Variants in RNF169 observed in about 807,000 individuals in gnomAD.
The protein encoded by RNF169 is ring finger protein 169.
In RNF169, 24 loss-of-function variants were observed where a neutral mutation model predicts 53.9. The observed-to-expected ratio is 0.45, with a 90% CI of 0.32 to 0.63. The LOEUF (loss-of-function observed/expected upper bound fraction) is 0.63, where lower values mean the gene tolerates loss of function less well. RNF169 is among the 20% of genes least tolerant of loss of function. RNF169 has a pLI of 0.04. For missense variants in RNF169, 883 were observed against 906.2 expected, an observed-to-expected ratio of 0.97 and a Z score of 0.33; for synonymous variants, 396 against 363.5, an observed-to-expected ratio of 1.09 and a Z score of -1.02.
intron 1 of RNF169, among the ~76,000 whole-genome samples, chr11:74,771,059 C>T (rs894857157): frequency 6.6e-6 from 1 of 152,112 alleles, no homozygotes; most frequent in African/African-American, 2.4e-5. Flanking sequence ...CCCCCCGCCT[C>T]GACCTCTCAA....
At chr11:74,755,447 AATTTC>A (rs2034966874) in intron 1 of RNF169, among the ~76,000 whole-genome samples, 1 of 152,226 alleles carries the variant, frequency 6.6e-6, no homozygotes, top group African/African-American at 2.4e-5. Context: ...ATGTTTGTTA[AATTTC>A]ATTCCACTAA....
intron 1 of RNF169, among the ~76,000 whole-genome samples, chr11:74,763,454 T>G (rs1195147875): frequency 6.6e-6 from 1 of 152,180 alleles, no homozygotes; most frequent in Non-Finnish European, 1.5e-5. Context: ...TTTAAGTGGC[T>G]AAAGACTTTA....
At chr11:74,757,266 C>T (rs896463438) in intron 1 of RNF169, among the ~76,000 whole-genome samples, 118 of 122,034 alleles carry the variant, frequency 9.7e-4, no homozygotes, top group African/African-American at 2.2e-3. Flanking sequence ...TTTGTTCTTG[C>T]GATAGTTTAC....
chr11:74,768,210 A>G (rs1353560607), intron 1 of RNF169, among the ~76,000 whole-genome samples: 1 of 152,230 alleles, frequency 6.6e-6, no homozygotes, highest in Non-Finnish European at 1.5e-5. Context: ...GTGGATAATG[A>G]GTGGCCATTA....
rs570997359 is a variant in RNF169 at position 74,752,326 on chromosome 11, G to A, written c.502+2944G>A. Among the ~76,000 whole-genome samples, 28 of 151,832 alleles carry A rather than the reference G, an allele frequency of 1.8e-4. No homozygotes were observed. The South Asian group carries it at 4.6e-3, about 25-fold the overall frequency. On this transcript the variant is annotated intron_variant, in intron 1 of 5. Transcript: ENST00000299563. The stretch of plus-strand genomic sequence containing the variant: ...GTCAAAGATTCTTGGGCTGGGCATG[G>A]TGGCTCATGCCTGTAAATCTGGCAC...
At chr11:74,762,799 C>CT (rs1436446922) in intron 1 of RNF169, among the ~76,000 whole-genome samples, 17 of 152,192 alleles carry the variant, frequency 1.1e-4, no homozygotes, top group Non-Finnish European at 1.5e-4. Flanking sequence ...ATAGGAAAAT[C>CT]TCGTTTCCAA....
rs2034929212 is a variant in RNF169, at chr11:74,753,199, C to T, written c.502+3817C>T. 5.3e-5 allele frequency among the ~76,000 whole-genome samples: 8 copies of T among 152,300 alleles called. No individual in the cohort carries two copies. The South Asian group carries it at 1.7e-3, about 32-fold the overall frequency. On this transcript the variant is annotated intron_variant, in intron 1 of 5. Transcript: ENST00000299563. ...ATCAGGCTGGTCTCAAACTCCTGAT[C>T]TCAGGTGATCCACCCACCTCGGCCT...
chr11:74,821,783 AG>A (rs1442452340), intron 4 of RNF169, among the ~76,000 whole-genome samples: 1 of 152,156 alleles, frequency 6.6e-6, no homozygotes, highest in Non-Finnish European at 1.5e-5. Flanking sequence ...TGATAGCTAA[AG>A]GGTATAGGGT....
intron 1 of RNF169, among the ~76,000 whole-genome samples, chr11:74,771,997 C>T (rs377766088): frequency 1.6e-4 from 25 of 152,160 alleles, no homozygotes; most frequent in African/African-American, 4.8e-4. Flanking sequence ...AAAGACAGTC[C>T]GAAACACTGA....
At chr11:74,771,667 A>G (rs2035262564) in intron 1 of RNF169, among the ~76,000 whole-genome samples, 1 of 152,120 alleles carries the variant, frequency 6.6e-6, no homozygotes, top group Admixed American at 6.5e-5. Flanking sequence ...TTGCATCACT[A>G]AACTCTAACC....
chr11:74,809,929 G>T (rs538005027), intron 2 of RNF169, among the ~76,000 whole-genome samples: 5 of 152,308 alleles, frequency 3.3e-5, no homozygotes, highest in African/African-American at 1.2e-4. Flanking sequence ...TTGATAATGT[G>T]TATTATCTTA....
intron 2 of RNF169, among the ~76,000 whole-genome samples, chr11:74,793,889 A>G (rs2035612328): frequency 6.6e-6 from 1 of 152,138 alleles, no homozygotes; most frequent in Non-Finnish European, 1.5e-5. Flanking sequence ...AAGTACCTAG[A>G]ATCAATAGTT....
intron 2 of RNF169, among the ~76,000 whole-genome samples, chr11:74,801,808 A>AT (rs776470742): frequency 1.3e-5 from 2 of 152,212 alleles, no homozygotes; most frequent in African/African-American, 2.4e-5. Context: ...CTTATGGACT[A>AT]TAAGTGTCTG....
chr11:74,769,880 C>T (rs926657723), intron 1 of RNF169, among the ~76,000 whole-genome samples: 2 of 152,212 alleles, frequency 1.3e-5, no homozygotes, highest in African/African-American at 4.8e-5. Context: ...ATTACAGCCT[C>T]TACTTTTCAG....
At chr11:74,808,467 C>G (rs972490277) in intron 2 of RNF169, among the ~76,000 whole-genome samples, 1 of 152,156 alleles carries the variant, frequency 6.6e-6, no homozygotes, top group Non-Finnish European at 1.5e-5. Context: ...CCAGACTTGC[C>G]GAATGTTCTG....
rs933495124 is a variant in RNF169 at position 74,837,494 on chromosome 11, G to T, written c.*764G>T. On this transcript the variant is annotated 3_prime_UTR_variant, in exon 6 of 6. Transcript: ENST00000299563. ...ATCACAACCTAAGGGTGTGCCAGGG[G>T]AGCCTAGGGGAAGCTAGGCTGGGCA... 2 of 152,190 alleles carry T rather than the reference G, an allele frequency of 1.3e-5. No individual in the cohort carries two copies. Among genetic ancestry groups the T allele is most frequent in the African/African-American group, 4.8e-5 (2 of 41,440 alleles). The allele number at this position is 152,190 out of a possible 1,614,324, so 9.4% of individuals were successfully genotyped here. A position where few individuals can be genotyped will look rare whatever the true frequency, so the allele number is the denominator to read the frequency against.
At chr11:74,773,256 G>A (rs2035284963) in intron 1 of RNF169, among the ~76,000 whole-genome samples, 1 of 152,078 alleles carries the variant, frequency 6.6e-6, no homozygotes, top group African/African-American at 2.4e-5. Flanking sequence ...ATATTTGTGC[G>A]ATAAATGACT....
chr11:74,828,707 A>G (rs2036133849), intron 4 of RNF169, among the ~76,000 whole-genome samples: 1 of 152,196 alleles, frequency 6.6e-6, no homozygotes, highest in African/African-American at 2.4e-5. Context: ...CAACCATATG[A>G]TCTTAGATAA....
intron 1 of RNF169, among the ~76,000 whole-genome samples, chr11:74,759,545 T>C (rs2035043873): frequency 7.0e-6 from 1 of 142,670 alleles, no homozygotes; most frequent in South Asian, 2.3e-4. Context: ...GTCAAAGGCT[T>C]TTTCTGCATC....
Sources: gnomAD v4.1 joint callset for allele counts (sites outside exome capture counted in the v4.1 genomes callset) on GRCh38, gnomAD v4.1.1 for gene constraint, MANE v1.5 for transcripts, NCBI Gene and HGNC (gene_info 2026-07-23, HGNC 2026-07-21) for gene names.